Variants in HNMT observed in about 807,000 individuals in gnomAD.
The protein encoded by HNMT is histamine N-methyltransferase.
HNMT carries 30 observed loss-of-function variants against 32.1 expected under a neutral mutation model. The ratio of observed to expected loss-of-function variants is 0.93; its 90% CI spans 0.70 to 1.27. HNMT has a LOEUF of 1.27. Ranked by LOEUF, HNMT falls within the 50% of genes most tolerant of loss-of-function variation. The pLI, the probability that HNMT is intolerant of heterozygous loss-of-function variation, is 0.00. For synonymous variants in HNMT, 125 were observed against 119.0 expected (o/e 1.05, Z -0.33); for missense variants, 327 against 346.0 (o/e 0.95, Z 0.43).
intron 2 of HNMT, among the ~76,000 whole-genome samples, chr2:137,985,507 T>C (rs761329461): frequency 6.6e-6 from 1 of 152,218 alleles, no homozygotes; most frequent in Non-Finnish European, 1.5e-5. Context: ...GTGACTTCTC[T>C]CTTTCCTACA....
intron 2 of HNMT, among the ~76,000 whole-genome samples, chr2:137,977,065 A>G (rs781014881): frequency 6.6e-6 from 1 of 152,234 alleles, no homozygotes; most frequent in Admixed American, 6.5e-5. Context: ...TATACTTACA[A>G]AAGCAAATAA....
chr2:137,990,972 G>T (rs1680800302), intron 2 of HNMT, among the ~76,000 whole-genome samples: 1 of 152,144 alleles, frequency 6.6e-6, no homozygotes. Flanking sequence ...TTGCAAGTTT[G>T]GGCCTCCAGA....
chr2:138,002,243 A>G (rs4646325), intron 4 of HNMT, 49 bp downstream of exon 4: 42,574 of 1,201,110 alleles, frequency 0.035, 760 homozygotes, highest in East Asian at 0.038. Flanking sequence ...ACTTTTCAGA[A>G]TATATATATA....
At chr2:137,973,310 C>T (rs1680189631) in intron 2 of HNMT, among the ~76,000 whole-genome samples, 1 of 152,066 alleles carries the variant, frequency 6.6e-6, no homozygotes, top group East Asian at 1.9e-4. Context: ...ATCTAATCAC[C>T]TATTATGGCC....
chr2:137,994,298 A>ACATG (rs1238993361), intron 2 of HNMT, among the ~76,000 whole-genome samples: 1 of 152,244 alleles, frequency 6.6e-6, no homozygotes, highest in East Asian at 1.9e-4. Flanking sequence ...ATGTGCAAAG[A>ACATG]CATGCATAGG....
intron 1 of HNMT, chr2:137,967,013 T>C: frequency 2.6e-6 from 2 of 772,732 alleles, no homozygotes; most frequent in South Asian, 2.7e-5. Context: ...TGGTTCTATG[T>C]TAATCGTTTG....
At position 138,015,926 on chromosome 2, in the gene HNMT, G is replaced by A. The variant is rs928067482; in HGVS notation, c.*1796G>A. The A allele has an allele frequency of 2.6e-5, 4 of 152,072 alleles. No individual in the cohort carries two copies. Among genetic ancestry groups the A allele is most frequent in the Non-Finnish European group, 4.4e-5 (3 of 67,990 alleles). The allele number at this position is 152,072 out of a possible 1,614,324, so 9.4% of individuals were successfully genotyped here. On this transcript the variant is annotated 3_prime_UTR_variant, in exon 6 of 6. Transcript: ENST00000280097. ...CCTTATTAAACCCTTAGTATACAAG[G>A]ATAAATAAATTCTCACCTGCTTAAT...
chr2:137,974,652 A>C (rs904297421), intron 2 of HNMT, among the ~76,000 whole-genome samples: 1 of 152,182 alleles, frequency 6.6e-6, no homozygotes, highest in African/African-American at 2.4e-5. Flanking sequence ...CAAATGCCAG[A>C]AAGTTTTTTA....
chr2:138,007,252 T>C (rs1485950252), intron 5 of HNMT, among the ~76,000 whole-genome samples: 1 of 152,020 alleles, frequency 6.6e-6, no homozygotes, highest in African/African-American at 2.4e-5. Context: ...GCTTTCTACG[T>C]CTCTCTCTCC....
intron 2 of HNMT, among the ~76,000 whole-genome samples, chr2:137,978,813 T>A (rs1213154520): frequency 7.2e-6 from 1 of 139,664 alleles, no homozygotes; most frequent in African/African-American, 2.6e-5. Context: ...TATAGTATTA[T>A]ATAATACTTT....
intron 5 of HNMT, among the ~76,000 whole-genome samples, chr2:138,013,038 C>T (rs943431269): frequency 2.0e-5 from 3 of 152,030 alleles, no homozygotes. Context: ...ATGTGCTGTT[C>T]CATACAGAAA....
At chr2:137,965,000 A>G (rs937428715) in intron 1 of HNMT, among the ~76,000 whole-genome samples, 1 of 152,194 alleles carries the variant, frequency 6.6e-6, no homozygotes, top group Admixed American at 6.5e-5. Flanking sequence ...GGAGTCTGGT[A>G]TGCTTTTCAT....
chr2:138,009,883 C>T (rs1031153791), intron 5 of HNMT, among the ~76,000 whole-genome samples: 1 of 152,084 alleles, frequency 6.6e-6, no homozygotes, highest in Admixed American at 6.6e-5. Context: ...TTGCCTTCTC[C>T]ACCAGAGCTA....
At position 137,981,370 on chromosome 2, in the gene HNMT, A is replaced by G. The variant is rs781056416; in HGVS notation, c.190+11153A>G. The G allele has an allele frequency of 5.0e-6, 8 of 1,611,170 alleles. No homozygotes were observed. In the South Asian group the frequency reaches 7.7e-5, roughly 16 times the overall value. ...CTGCCCGTTTAGAAAGCAAATCTGC[A>G]TTTCCCTCATTCCTAGTTTCCTTCA... On this transcript the variant is annotated intron_variant, in intron 2 of 5. Coordinates refer to ENST00000280097, the MANE Select transcript of HNMT (RefSeq NM_006895.3).
intron 2 of HNMT, chr2:137,981,210 C>G: frequency 6.2e-7 from 1 of 1,612,890 alleles, no homozygotes; most frequent in Non-Finnish European, 8.5e-7. Context: ...TTTTCTTGAC[C>G]TGCAGATTGT....
At chr2:138,001,123 G>A (rs1032196094) in intron 3 of HNMT, 98 bp downstream of exon 3, 8 of 568,838 alleles carry the variant, frequency 1.4e-5, no homozygotes, top group Non-Finnish European at 2.5e-5. Context: ...ACTGTGGTAT[G>A]CTTTTCACAA....
chr2:138,002,383 CA>C, intron 4 of HNMT, 189 bp downstream of exon 4: 5 of 1,023,282 alleles, frequency 4.9e-6, no homozygotes, highest in South Asian at 9.3e-5. Flanking sequence ...TTTAACATTC[CA>C]AAAACCAGTT....
chr2:137,987,601 C>CTTTT (rs5834598), intron 2 of HNMT, among the ~76,000 whole-genome samples: 12 of 70,282 alleles, frequency 1.7e-4, no homozygotes, highest in East Asian at 5.5e-4. Flanking sequence ...ACAATGGCCA[C>CTTTT]TTTTTTTTTT....
chr2:138,004,287 C>T (rs1262175390), intron 4 of HNMT, among the ~76,000 whole-genome samples: 1 of 152,030 alleles, frequency 6.6e-6, no homozygotes, highest in Non-Finnish European at 1.5e-5. Flanking sequence ...ATGCACAGGT[C>T]AGGTCCATTT....
Sources: allele counts gnomAD v4.1 joint callset (sites outside exome capture counted in the v4.1 genomes callset), GRCh38; gene constraint gnomAD v4.1.1; transcripts MANE v1.5; gene names NCBI Gene and HGNC (gene_info 2026-07-23, HGNC 2026-07-21).